Variants in TBX1 observed in about 807,000 individuals in gnomAD.
TBX1 encodes the protein T-box transcription factor 1.
A neutral mutation model predicts 40.8 loss-of-function variants in TBX1; 16 were observed. The ratio of observed to expected loss-of-function variants is 0.39; its 90% CI spans 0.27 to 0.60. The LOEUF (loss-of-function observed/expected upper bound fraction) is 0.60, where lower values mean the gene tolerates loss of function less well. Among genes scored for constraint, TBX1 ranks in the 20% least tolerant of loss-of-function variants. TBX1 has a pLI of 0.51. For synonymous variants in TBX1, 403 were observed against 336.8 expected, an observed-to-expected ratio of 1.20 and a Z score of -2.15; for missense variants, 755 against 728.5, an observed-to-expected ratio of 1.04 and a Z score of -0.42.
upstream of TBX1, chr22:19,759,521 C>T: frequency 6.5e-7 from 1 of 1,534,996 alleles, no homozygotes; most frequent in South Asian, 1.2e-5. Flanking sequence ...GCTGTCTCCC[C>T]GAGCCAGTGC....
chr22:19,767,626 C>T (rs1490866532), downstream of TBX1, among the ~76,000 whole-genome samples: 2 of 152,370 alleles, frequency 1.3e-5, no homozygotes, highest in East Asian at 1.9e-4. Flanking sequence ...CTGGTGGTAC[C>T]GCCCAGGTGT....
chr22:19,771,898 C>T (rs1007404979), downstream of TBX1, among the ~76,000 whole-genome samples: 5 of 152,218 alleles, frequency 3.3e-5, no homozygotes, highest in Non-Finnish European at 5.9e-5. Flanking sequence ...CCTCGGGCAA[C>T]GCTGGGTGCC....
upstream of TBX1, among the ~76,000 whole-genome samples, chr22:19,758,869 C>T (rs1485473433): frequency 2.6e-5 from 4 of 152,226 alleles, no homozygotes; most frequent in Admixed American, 2.0e-4. Flanking sequence ...CTTCAGGGGG[C>T]TGTTGGGCAT....
At chr22:19,766,091 G>T (rs1024698516) in intron 6 of TBX1, 89 bp downstream of exon 6, 17 of 1,174,794 alleles carry the variant, frequency 1.4e-5, no homozygotes, top group Non-Finnish European at 1.6e-5. Flanking sequence ...CTGCGCCCCC[G>T]GGGCGCTCCA....
At chr22:19,776,121 C>T (rs946627323) in intron 8 of TBX1, among the ~76,000 whole-genome samples, 4 of 152,142 alleles carry the variant, frequency 2.6e-5, no homozygotes, top group African/African-American at 9.7e-5. Flanking sequence ...CCCCTGAAAC[C>T]ACCTGGAAGT....
chr22:19,762,062 G>C (rs758389418), intron 1 of TBX1, among the ~76,000 whole-genome samples: 4 of 152,256 alleles, frequency 2.6e-5, no homozygotes, highest in South Asian at 2.1e-4. Flanking sequence ...AAGCCTTCTC[G>C]TGGTTTCTGT....
At chr22:19,766,354 G>A (rs1569023502) in intron 6 of TBX1, 35 bp from the exon 7 acceptor site, 1 of 1,253,454 alleles carries the variant, frequency 8.0e-7, no homozygotes, top group Non-Finnish European at 1.0e-6. Context: ...CGGCGGCCCC[G>A]GCCGGCCGCG....
exon 9 of TBX1, chr22:19,779,404 T>C: frequency 6.2e-7 from 1 of 1,614,202 alleles, no homozygotes; most frequent in Non-Finnish European, 8.5e-7. Flanking sequence ...ACCGTCTTTG[T>C]TGAATGCTGA....
chr22:19,780,788 G>GTTTTTTTTTTTTTT (rs58810923), downstream of TBX1, among the ~76,000 whole-genome samples: 2 of 130,756 alleles, frequency 1.5e-5, no homozygotes, highest in Non-Finnish European at 1.6e-5. Context: ...TTTTTTTTTT[G>GTTTTTTTTTTTTTT]TTTTTTTTTT....
At chr22:19,759,780 G>T, upstream of TBX1, 1 of 1,336,784 alleles carries the variant, frequency 7.5e-7, no homozygotes. Flanking sequence ...TCTTGGTAGC[G>T]TGGGCTCCAG....
intron 1 of TBX1, among the ~76,000 whole-genome samples, chr22:19,761,925 A>C (rs893368460): frequency 1.3e-5 from 2 of 152,136 alleles, no homozygotes; most frequent in African/African-American, 4.8e-5. Context: ...AGACCAAGAG[A>C]CAAGGGGAAC....
At chr22:19,759,054 C>T (rs991005000), upstream of TBX1, among the ~76,000 whole-genome samples, 12 of 152,048 alleles carry the variant, frequency 7.9e-5, no homozygotes, top group African/African-American at 1.9e-4. Context: ...GGCTGGGCTC[C>T]GGCAGCCACT....
At chr22:19,771,239 G>A (rs1936985587), downstream of TBX1, among the ~76,000 whole-genome samples, 1 of 152,228 alleles carries the variant, frequency 6.6e-6, no homozygotes, top group African/African-American at 2.4e-5. Flanking sequence ...CTGGCATAGT[G>A]GCACCCAAGC....
intron 8 of TBX1, chr22:19,779,118 C>A: frequency 7.3e-7 from 1 of 1,369,770 alleles, no homozygotes; most frequent in South Asian, 1.2e-5. Flanking sequence ...CCCTTCCATG[C>A]GGTTCAGACA....
chr22:19,765,895 C>CCCGCAGGCCCCGGAA lies in TBX1; in HGVS notation c.936-4_946dup. The stretch of plus-strand genomic sequence containing the variant: ...AGGCGCCGCCCTGATCCGCCTCCCG[C>CCCGCAGGCCCCGGAA]CCGCAGGCCCCGGAACCACCGGCCC... On this transcript the variant is annotated splice_region_variant and splice_polypyrimidine_tract_variant and intron_variant, in intron 5 of 6. Coordinates refer to ENST00000649276, the MANE Select transcript of TBX1 (RefSeq NM_001379200.1). 2 of 1,543,942 alleles carry CCCGCAGGCCCCGGAA rather than the reference C, an allele frequency of 1.3e-6. No homozygotes were observed. Among genetic ancestry groups the CCCGCAGGCCCCGGAA allele is most frequent in the Non-Finnish European group, 1.7e-6 (2 of 1,144,734 alleles).
downstream of TBX1, among the ~76,000 whole-genome samples, chr22:19,767,979 T>C (rs1347116146): frequency 2.0e-5 from 3 of 152,210 alleles, no homozygotes; most frequent in East Asian, 5.8e-4. Flanking sequence ...ATGAGTCATC[T>C]TGAGACCTGT....
chr22:19,763,530 C>T, intron 2 of TBX1, 188 bp downstream of exon 2: 2 of 617,914 alleles, frequency 3.2e-6, no homozygotes, highest in South Asian at 1.9e-5. Flanking sequence ...TACTCCATGC[C>T]CTCTCAGAAC....
intron 8 of TBX1, among the ~76,000 whole-genome samples, chr22:19,777,350 G>A (rs1283471746): frequency 6.6e-6 from 1 of 152,074 alleles, no homozygotes; most frequent in Non-Finnish European, 1.5e-5. Flanking sequence ...TGAGAATGAT[G>A]GTTTCCAGTT....
chr22:19,764,437 C>A (rs1460620357), intron 3 of TBX1, 111 bp downstream of exon 3: 5 of 1,405,992 alleles, frequency 3.6e-6, no homozygotes, highest in African/African-American at 2.8e-5. Flanking sequence ...TGTCCCCAGG[C>A]GGCTCTGGGC....
Sources: allele counts gnomAD v4.1 joint callset (sites outside exome capture counted in the v4.1 genomes callset), GRCh38; gene constraint gnomAD v4.1.1; transcripts MANE v1.5; gene names NCBI Gene and HGNC (gene_info 2026-07-23, HGNC 2026-07-21).